HABP2: variants seen among roughly 807,000 people sequenced by gnomAD.
HABP2 encodes hyaluronan binding protein 2.
Under a neutral mutation model 66.5 loss-of-function variants are expected in HABP2, and 65 were observed. The ratio of observed to expected loss-of-function variants is 0.98; its 90% confidence interval spans 0.80 to 1.20. The LOEUF is 1.20. Among genes scored for constraint, HABP2 ranks in the 50% most tolerant of loss-of-function variants. HABP2 has a pLI of 0.00. For missense variants in HABP2, 786 were observed against 691.0 expected, an observed-to-expected ratio of 1.14 and a Z score of -1.54; for synonymous variants, 263 against 253.9, an observed-to-expected ratio of 1.04 and a Z score of -0.34.
intron 2 of HABP2, among the ~76,000 whole-genome samples, chr10:113,568,827 G>A (rs1037486133): frequency 6.6e-6 from 1 of 152,180 alleles, no homozygotes; most frequent in Non-Finnish European, 1.5e-5. Context: ...CACAGTGGAA[G>A]AAAAAGAAGT....
chr10:113,567,882 G>C (rs890168920), intron 2 of HABP2, among the ~76,000 whole-genome samples: 81 of 152,312 alleles, frequency 5.3e-4, no homozygotes, highest in African/African-American at 1.8e-3. Context: ...GCAAAGTGAG[G>C]GCGAGATGAA....
At chr10:113,561,841 A>G (rs966939740) in intron 1 of HABP2, among the ~76,000 whole-genome samples, 1 of 152,212 alleles carries the variant, frequency 6.6e-6, no homozygotes, top group Admixed American at 6.5e-5. Context: ...CTTAGTTGAA[A>G]TAATCACTGG....
At chr10:113,552,884 T>C (rs966444706), upstream of HABP2, 2 of 419,302 alleles carry the variant, frequency 4.8e-6, no homozygotes, top group Non-Finnish European at 8.6e-6. Flanking sequence ...TTGGAGAGTT[T>C]CTCCCCAGAA....
At chr10:113,568,183 C>T (rs1315525934) in intron 2 of HABP2, among the ~76,000 whole-genome samples, 1 of 152,214 alleles carries the variant, frequency 6.6e-6, no homozygotes, top group Non-Finnish European at 1.5e-5. Flanking sequence ...TCATGCACTC[C>T]TAGTCCTTTG....
chr10:113,580,622 G>T lies in HABP2; in HGVS notation c.768G>T (p.Trp256Cys). ...CRNPDADEKP[W>C]CFIKVTNDKV... The stretch of plus-strand genomic sequence containing the variant: ...ACCCAGATGCGGACGAAAAGCCCTG[G>T]TGCTTTATTAAAGTTACCAATGACA... Residue 256 changes from tryptophan (W) to cysteine (C), a missense_variant, in exon 8 of 13, where the codon TGG (tryptophan) becomes TGT (cysteine). Trp to Cys is a radical substitution (Grantham distance 215). Transcript: ENST00000351270. The T allele has an allele frequency of 6.3e-7, 1 of 1,597,188 alleles. No homozygotes were observed. Among genetic ancestry groups the T allele is most frequent in the Non-Finnish European group, 8.6e-7 (1 of 1,164,718 alleles).
chr10:113,557,630 C>T (rs1442591574), intron 1 of HABP2, among the ~76,000 whole-genome samples: 2 of 152,152 alleles, frequency 1.3e-5, no homozygotes, highest in African/African-American at 2.4e-5. Context: ...GCCTGTGACC[C>T]GCAAACAAGT....
chr10:113,583,445 G>T (rs946306056), intron 10 of HABP2, 87 bp downstream of exon 10: 2 of 1,231,186 alleles, frequency 1.6e-6, no homozygotes, highest in Admixed American at 1.9e-5. Context: ...GTTCTAGAAG[G>T]TGCTCTTGAT....
intron 2 of HABP2, among the ~76,000 whole-genome samples, chr10:113,573,720 C>CA (rs1030241103): frequency 1.6e-4 from 25 of 152,108 alleles, no homozygotes; most frequent in African/African-American, 5.6e-4. Flanking sequence ...AATAAAGGCT[C>CA]AAAAAATGTT....
chr10:113,566,166 C>G (rs941604121), intron 1 of HABP2, among the ~76,000 whole-genome samples: 1 of 152,144 alleles, frequency 6.6e-6, no homozygotes, highest in African/African-American at 2.4e-5. Context: ...GGCCAAGACC[C>G]AAAGGGAAAG....
intron 1 of HABP2, among the ~76,000 whole-genome samples, chr10:113,558,794 G>A (rs1346682221): frequency 6.6e-6 from 1 of 152,182 alleles, no homozygotes; most frequent in Non-Finnish European, 1.5e-5. Flanking sequence ...AAACATGGGG[G>A]CTTGTGCTTA....
chr10:113,574,662 A>G (rs1021502878), intron 3 of HABP2, among the ~76,000 whole-genome samples: 1 of 152,224 alleles, frequency 6.6e-6, no homozygotes, highest in African/African-American at 2.4e-5. Flanking sequence ...TGACTTGGCC[A>G]AGGTCATGCA....
At position 113,588,247 on chromosome 10, in the gene HABP2, T is replaced by C. The variant is rs886046744; in HGVS notation, c.1561T>C (p.Tyr521His). ...CCTGACCTGTGAGAAGGACGGCACC[T>C]ACTACGTCTATGGGATAGTGAGCTG... Reference protein sequence around the residue: ...GPLTCEKDGTYYVYGIVSWGL... With the variant: ...GPLTCEKDGTHYVYGIVSWGL... Residue 521 changes from tyrosine to histidine, a missense_variant, in exon 13 of 13, where the codon TAC becomes CAC. Coordinates refer to ENST00000351270, the MANE Select transcript of HABP2 (RefSeq NM_004132.5). 12 of 1,613,368 alleles carry C rather than the reference T, an allele frequency of 7.4e-6. No homozygotes were observed. Among genetic ancestry groups the C allele is most frequent in the Non-Finnish European group, 1.0e-5 (12 of 1,179,570 alleles).
At chr10:113,564,149 A>G (rs1280321678) in intron 1 of HABP2, among the ~76,000 whole-genome samples, 1 of 152,182 alleles carries the variant, frequency 6.6e-6, no homozygotes, top group African/African-American at 2.4e-5. Context: ...GGTGGCAGGC[A>G]AAACAGTGTA....
In HABP2 at chr10:113,568,659, C is replaced by T. The variant is rs184146360; in HGVS notation, c.106+1134C>T. ...AGAGTTATCCCCTAGCTGATGAACA[C>T]ACCACCACCCACACGTGGAGTCCAG... On this transcript the variant is annotated intron_variant, in intron 2 of 12. Coordinates refer to ENST00000351270, the MANE Select transcript of HABP2 (RefSeq NM_004132.5). 3.7e-4 allele frequency among the ~76,000 whole-genome samples: 56 copies of T among 152,300 alleles called. No individual in the cohort carries two copies. In the East Asian group the frequency reaches 8.3e-3, roughly 23 times the overall value.
At chr10:113,572,118 C>T (rs1845325544) in intron 2 of HABP2, among the ~76,000 whole-genome samples, 1 of 152,250 alleles carries the variant, frequency 6.6e-6, no homozygotes, top group Non-Finnish European at 1.5e-5. Context: ...GGCCACTGAG[C>T]TCTGCTCGTT....
chr10:113,566,946 G>A lies in HABP2; in HGVS notation c.70-543G>A, dbSNP rs898584877. 1.2e-4 allele frequency among the ~76,000 whole-genome samples: 19 copies of A among 152,224 alleles called. No homozygotes were observed. In the South Asian group the frequency reaches 2.7e-3, roughly 22 times the overall value. ...GTTTGCATTTTATTCTAAGAACAAC[G>A]AGAAGCCACTGAAGGGTTTTAAGCA... On this transcript the variant is annotated intron_variant, in intron 1 of 12. Coordinates refer to ENST00000351270, the MANE Select transcript of HABP2 (RefSeq NM_004132.5).
In HABP2 at chr10:113,588,756, A is replaced by G. The variant is rs140949797; in HGVS notation, c.*387A>G. The G allele has an allele frequency of 4.6e-4, 263 of 568,588 alleles. No homozygotes were observed. The highest frequency in any genetic ancestry group is 4.3e-3 in the African/African-American group (228 of 53,478). The allele number at this position is 568,588 out of a possible 1,614,324, so 35.2% of individuals were successfully genotyped here. A position where few individuals can be genotyped will look rare whatever the true frequency, so the allele number is the denominator to read the frequency against. ...CACATCTTTATTCCTCAGCCCAGACACTCGAGGCACTCAACAGAATCAGCC... is the reference window on the plus strand; with the variant it reads ...CACATCTTTATTCCTCAGCCCAGACGCTCGAGGCACTCAACAGAATCAGCC... On this transcript the variant is annotated 3_prime_UTR_variant, in exon 13 of 13. Transcript: ENST00000351270.
intron 2 of HABP2, chr10:113,572,642 TC>T (rs1845333904): frequency 2.3e-6 from 1 of 433,198 alleles, no homozygotes; most frequent in Non-Finnish European, 4.6e-6. Context: ...CCTCTCTTTC[TC>T]TGCTTTATCA....
Position 113,584,306 on chromosome 10 carries a change from A to G in HABP2, c.1372+24A>G, listed in dbSNP as rs756891841. 4.3e-6 allele frequency: 7 copies of G among 1,609,224 alleles called. No individual in the cohort carries two copies. In the Admixed American group the frequency reaches 6.7e-5, roughly 15 times the overall value. ...AGGTGAGTCGGCCATGCACTCTCCC[A>G]TGACTTAGGTGAACTACATCAACCA... is the stretch of plus-strand genomic sequence containing the variant. On this transcript the variant is annotated intron_variant, in intron 11 of 12. Coordinates refer to ENST00000351270, the MANE Select transcript of HABP2 (RefSeq NM_004132.5).
Sources: allele counts gnomAD v4.1 joint callset (sites outside exome capture counted in the v4.1 genomes callset), GRCh38; gene constraint gnomAD v4.1.1; transcripts MANE v1.5; gene names NCBI Gene and HGNC (gene_info 2026-07-23, HGNC 2026-07-21).